The following HDAC8 variants were observed in gnomAD, a reference collection of about 807,000 sequenced individuals.
The protein encoded by HDAC8 is histone deacetylase-like 1.
A neutral mutation model predicts 32.2 loss-of-function variants in HDAC8; 1 was observed. The observed-to-expected ratio is 0.03, with a 90% CI of 0.01 to 0.15. The LOEUF is 0.15. Among genes scored for constraint, HDAC8 ranks in the 10% least tolerant of loss-of-function variants. The probability of loss-of-function intolerance (pLI) is 1.00; values close to 1 mark genes in which losing one functional copy is unlikely to be tolerated. For synonymous variants in HDAC8, 108 were observed against 113.9 expected (o/e 0.95, Z 0.33); for missense variants, 117 against 300.0 (o/e 0.39, Z 4.51).
chrX:72,511,199 A>G (rs1462452986), intron 4 of HDAC8, among the ~76,000 whole-genome samples: 1 of 112,114 alleles, frequency 8.9e-6, no homozygotes, highest in African/African-American at 3.2e-5. Flanking sequence ...GTCTAGTATA[A>G]CTGTCCACTA....
intron 9 of HDAC8, among the ~76,000 whole-genome samples, chrX:72,413,914 C>G (rs782598123): frequency 8.9e-6 from 1 of 111,987 alleles, no homozygotes; most frequent in Non-Finnish European, 1.9e-5. Context: ...ATATTGCTTA[C>G]GATAAATCAC....
intron 4 of HDAC8, among the ~76,000 whole-genome samples, chrX:72,563,863 A>G (rs181316819): frequency 9.0e-6 from 1 of 111,665 alleles, no homozygotes; most frequent in African/African-American, 3.3e-5. Flanking sequence ...ATCTTTTTCA[A>G]TTCTGTTAAA....
chrX:72,557,170 T>G (rs1207046057), intron 4 of HDAC8, among the ~76,000 whole-genome samples: 6 of 111,086 alleles, frequency 5.4e-5, no homozygotes, highest in African/African-American at 2.0e-4. Context: ...GCCACTGCAC[T>G]CCAGCCTGGG....
intron 9 of HDAC8, among the ~76,000 whole-genome samples, chrX:72,395,607 A>C (rs1184500549): frequency 8.9e-6 from 1 of 112,275 alleles, no homozygotes; most frequent in Non-Finnish European, 1.9e-5. Flanking sequence ...AAAACTTGAC[A>C]AGGAAAGTTT....
At chrX:72,418,787 T>C (rs2046412800) in intron 9 of HDAC8, among the ~76,000 whole-genome samples, 1 of 111,467 alleles carries the variant, frequency 9.0e-6, no homozygotes, top group Non-Finnish European at 1.9e-5. Context: ...AGATTGTTGA[T>C]TTATTGTCAG....
intron 4 of HDAC8, among the ~76,000 whole-genome samples, chrX:72,544,295 C>A (rs781932164): frequency 4.5e-5 from 5 of 111,747 alleles, no homozygotes; most frequent in Non-Finnish European, 7.5e-5. Context: ...GGTTCTCCTG[C>A]GACAGGACAA....
chrX:72,444,028 A>G (rs1352299337), intron 9 of HDAC8, among the ~76,000 whole-genome samples: 2 of 109,830 alleles, frequency 1.8e-5, no homozygotes, highest in Non-Finnish European at 3.8e-5. Context: ...AGGCTCTGAA[A>G]TTGTGGCAAT....
At chrX:72,485,774 TAC>T (rs1241392638) in intron 7 of HDAC8, among the ~76,000 whole-genome samples, 1 of 111,608 alleles carries the variant, frequency 9.0e-6, no homozygotes, top group Non-Finnish European at 1.9e-5. Context: ...AGAGGTCCTT[TAC>T]ACATCACAAG....
chrX:72,429,268 C>T (rs1192313532), intron 9 of HDAC8, among the ~76,000 whole-genome samples: 1 of 111,725 alleles, frequency 9.0e-6, no homozygotes, highest in African/African-American at 3.3e-5. Context: ...ACATGTTTTA[C>T]ATTAATGGTA....
At chrX:72,343,621 T>G (rs2043947461) in intron 10 of HDAC8, among the ~76,000 whole-genome samples, 1 of 111,373 alleles carries the variant, frequency 9.0e-6, no homozygotes, top group Non-Finnish European at 1.9e-5. Context: ...ATTGTCTATC[T>G]TCCACACTAG....
chrX:72,475,981 G>A (rs2048325932), intron 7 of HDAC8, among the ~76,000 whole-genome samples: 1 of 110,995 alleles, frequency 9.0e-6, no homozygotes, highest in South Asian at 3.8e-4. Flanking sequence ...ATTCTAACAC[G>A]CCTTGTAGTA....
intron 9 of HDAC8, among the ~76,000 whole-genome samples, chrX:72,442,163 C>A (rs1355458083): frequency 9.0e-6 from 1 of 110,650 alleles, no homozygotes; most frequent in African/African-American, 3.3e-5. Flanking sequence ...GGCCAACATT[C>A]AGATTCAGGA....
At chrX:72,353,423 C>T (rs782678755) in intron 9 of HDAC8, among the ~76,000 whole-genome samples, 1 of 112,134 alleles carries the variant, frequency 8.9e-6, no homozygotes, top group Non-Finnish European at 1.9e-5. Context: ...AGTTATTACT[C>T]TCTGATACCT....
chrX:72,489,369 A>G, intron 6 of HDAC8: 1 of 267,527 alleles, frequency 3.7e-6, no homozygotes. Context: ...TAGTAAGCAT[A>G]AGTGATCTGT....
At chrX:72,382,541 A>G (rs920708227) in intron 9 of HDAC8, among the ~76,000 whole-genome samples, 1 of 112,540 alleles carries the variant, frequency 8.9e-6, no homozygotes, top group Non-Finnish European at 1.9e-5. Flanking sequence ...ACTGGCTCAG[A>G]AAGCTCCTAT....
intron 9 of HDAC8, among the ~76,000 whole-genome samples, chrX:72,362,967 G>T (rs1457158930): frequency 8.9e-6 from 1 of 111,884 alleles, no homozygotes; most frequent in Non-Finnish European, 1.9e-5. Context: ...GGACAGAGGT[G>T]ACAGAAAGGA....
At chrX:72,479,720 G>T (rs1477981006) in intron 7 of HDAC8, among the ~76,000 whole-genome samples, 2 of 112,606 alleles carry the variant, frequency 1.8e-5, no homozygotes, top group African/African-American at 3.2e-5. Context: ...GTGCAGTTCA[G>T]CAAACAGTCA....
chrX:72,404,532 C>G (rs1555968289), intron 9 of HDAC8, among the ~76,000 whole-genome samples: 2 of 110,441 alleles, frequency 1.8e-5, no homozygotes, highest in Non-Finnish European at 3.8e-5. Flanking sequence ...TTTCTTGTAT[C>G]TCAGAACTTG....
At chrX:72,498,291 A>T (rs1461468934) in intron 4 of HDAC8, among the ~76,000 whole-genome samples, 1 of 111,096 alleles carries the variant, frequency 9.0e-6, no homozygotes, top group Non-Finnish European at 1.9e-5. Flanking sequence ...ATCAGAACAG[A>T]TGCTTTGCTT....
Sources: allele counts gnomAD v4.1 joint callset (sites outside exome capture counted in the v4.1 genomes callset), GRCh38; gene constraint gnomAD v4.1.1; transcripts MANE v1.5; gene names NCBI Gene and HGNC (gene_info 2026-07-23, HGNC 2026-07-21).